Variants in DOCK10 observed in about 807,000 individuals in gnomAD.
The protein encoded by DOCK10 is dedicator of cytokinesis 10.
Under a neutral mutation model 280.1 loss-of-function variants are expected in DOCK10, and 145 were observed. That is an observed-to-expected ratio of 0.52 (90% confidence interval 0.45 to 0.59). The LOEUF is 0.59. Ranked by LOEUF, DOCK10 falls within the 20% of genes least tolerant of loss-of-function variation. The pLI is 0.00. For missense variants in DOCK10, 2,368 were observed against 2,651.7 expected (o/e 0.89, Z 2.35); for synonymous variants, 915 against 942.2 (o/e 0.97, Z 0.53).
chr2:225,038,063 G>C (rs1017912207), intron 1 of DOCK10, among the ~76,000 whole-genome samples: 3 of 152,028 alleles, frequency 2.0e-5, no homozygotes, highest in African/African-American at 4.8e-5. Context: ...TGTCATAAAG[G>C]ACTCTGTCCA....
chr2:224,915,334 C>T (rs1251898336), intron 3 of DOCK10, among the ~76,000 whole-genome samples: 3 of 152,210 alleles, frequency 2.0e-5, no homozygotes, highest in Non-Finnish European at 4.4e-5. Context: ...ATATCACACA[C>T]TATTTTTATC....
rs1200927344 is a variant in DOCK10, at chr2:224,886,885, A to G, written c.417-354T>C. ...TTCTCATGCTGCATGCAGCACCCCC[A>G]ACACCCCCCCAAGTAGTACCTGGGA... On this transcript the variant is annotated intron_variant, in intron 4 of 55. Coordinates refer to ENST00000258390, the MANE Select transcript of DOCK10 (RefSeq NM_014689.3). Among the ~76,000 whole-genome samples, 2 of 116,114 alleles carry G rather than the reference A, an allele frequency of 1.7e-5. 1 individual carries two copies. Among genetic ancestry groups the G allele is most frequent in the African/African-American group, 9.5e-5 (2 of 20,970 alleles). The allele number at this position is 116,114 out of a possible 152,430, so 76.2% of individuals were successfully genotyped here.
chr2:224,840,180 T>C, intron 23 of DOCK10, 108 bp from the exon 24 acceptor site: 2 of 576,812 alleles, frequency 3.5e-6, no homozygotes, highest in Non-Finnish European at 6.1e-6. Flanking sequence ...GGAGAAAAAC[T>C]TCGTGACATT....
At chr2:225,036,871 T>C (rs1690273704) in intron 1 of DOCK10, among the ~76,000 whole-genome samples, 1 of 151,982 alleles carries the variant, frequency 6.6e-6, no homozygotes, top group Admixed American at 6.6e-5. Context: ...CCCAATGACT[T>C]ACATCTGATT....
At position 224,789,069 on chromosome 2, in the gene DOCK10, T is replaced by C. The variant is rs529535621; in HGVS notation, c.5413A>G (p.Asn1805Asp). 1.9e-6 allele frequency: 3 copies of C among 1,610,844 alleles called. No individual in the cohort carries two copies. Among genetic ancestry groups the C allele is most frequent in the African/African-American group, 2.7e-5 (2 of 75,020 alleles). ...TGAGATAATTTTGGTCTAACCTCAT[T>C]GTATGGTGTATCTTGCATTCCAGAA... ...EDSGMQDTPYNENILVEQLYM... is the reference protein window; with the variant it reads ...EDSGMQDTPYDENILVEQLYM... The change falls in exon 48 of 56, where the codon AAT becomes GAT. Residue 1805 changes from asparagine to aspartate, a missense_variant. Transcript: ENST00000258390.
intron 3 of DOCK10, 42 bp from the exon 4 acceptor site, chr2:224,896,419 C>T (rs745896576): frequency 1.5e-6 from 2 of 1,322,808 alleles, no homozygotes; most frequent in Non-Finnish European, 2.1e-6. Context: ...TAAAAATTAT[C>T]ATTAAAAGGC....
At chr2:224,986,437 G>A (rs1316548507) in intron 1 of DOCK10, among the ~76,000 whole-genome samples, 2 of 152,116 alleles carry the variant, frequency 1.3e-5, no homozygotes, top group African/African-American at 4.8e-5. Context: ...AAGGCTAAGA[G>A]TTTAAGGGTA....
At chr2:224,881,920 C>A (rs1698998394) in intron 7 of DOCK10, among the ~76,000 whole-genome samples, 1 of 152,312 alleles carries the variant, frequency 6.6e-6, no homozygotes, top group East Asian at 1.9e-4. Flanking sequence ...TCACACCTGG[C>A]CTCTCTTCAT....
chr2:224,884,668 T>C (rs1446168108), intron 7 of DOCK10, among the ~76,000 whole-genome samples: 3 of 152,188 alleles, frequency 2.0e-5, no homozygotes, highest in African/African-American at 7.2e-5. Context: ...GAGAACATTA[T>C]TTGTTAAAAG....
At position 224,770,905 on chromosome 2, in the gene DOCK10, A is replaced by G. The variant is rs184998160; in HGVS notation, c.6205-260T>C. On this transcript the variant is annotated intron_variant, in intron 53 of 55. Coordinates refer to ENST00000258390, the MANE Select transcript of DOCK10 (RefSeq NM_014689.3). This position sits in a 1 kb window ranked among gnomAD's most constrained non-coding sequence, Gnocchi z 4.5. The stretch of plus-strand genomic sequence containing the variant: ...CCTTCACATTTTTTTTTTTTGTCAT[A>G]TCTGTACGTTGCTTGAACTACTATT... Among the ~76,000 whole-genome samples the G allele has an allele frequency of 5.9e-4, 89 of 150,356 alleles. No homozygotes were observed. The highest frequency in any genetic ancestry group is 2.1e-3 in the African/African-American group (85 of 40,844).
At chr2:224,920,585 G>A (rs13419641) in intron 2 of DOCK10, among the ~76,000 whole-genome samples, 34,996 of 134,496 alleles carry the variant, frequency 0.26, 4,523 homozygotes, top group Non-Finnish European at 0.32. Flanking sequence ...ATAATTTACA[G>A]ATATATGGTG....
chr2:224,992,556 A>C (rs1019879404), intron 1 of DOCK10, among the ~76,000 whole-genome samples: 3 of 152,266 alleles, frequency 2.0e-5, no homozygotes, highest in African/African-American at 7.2e-5. Flanking sequence ...CAATATTCAG[A>C]AGATTAACTT....
intron 1 of DOCK10, among the ~76,000 whole-genome samples, chr2:224,984,000 C>T (rs1315467015): frequency 2.6e-5 from 4 of 152,118 alleles, no homozygotes; most frequent in Non-Finnish European, 5.9e-5. Context: ...CTAATGGTGT[C>T]CACTTGAGAC....
At chr2:224,804,252 T>C (rs987563092) in intron 38 of DOCK10, 39 bp from the exon 39 acceptor site, 10 of 1,257,680 alleles carry the variant, frequency 8.0e-6, no homozygotes, top group Non-Finnish European at 1.1e-5. Flanking sequence ...AGCTCAGTGT[T>C]TGTAATTTAC....
intron 1 of DOCK10, among the ~76,000 whole-genome samples, chr2:224,950,708 T>C (rs1035088703): frequency 3.3e-5 from 5 of 152,236 alleles, no homozygotes; most frequent in Non-Finnish European, 5.9e-5. Context: ...CCAGCTGTTA[T>C]ATGTGTGCCT....
At chr2:224,960,008 AT>A (rs1311729578) in intron 1 of DOCK10, among the ~76,000 whole-genome samples, 1 of 152,140 alleles carries the variant, frequency 6.6e-6, no homozygotes, top group Non-Finnish European at 1.5e-5. Flanking sequence ...CACCTCCTCT[AT>A]CCCCTCACCT....
At chr2:225,028,528 G>A (rs529010770) in intron 1 of DOCK10, among the ~76,000 whole-genome samples, 12 of 152,176 alleles carry the variant, frequency 7.9e-5, no homozygotes, top group South Asian at 2.1e-4. Flanking sequence ...CCTACACTAC[G>A]GTAGGATAAT....
intron 50 of DOCK10, among the ~76,000 whole-genome samples, chr2:224,785,868 T>C (rs1691699358): frequency 6.6e-6 from 1 of 152,208 alleles, no homozygotes; most frequent in Admixed American, 6.5e-5. Context: ...AGAATGAACA[T>C]GCTGGAGTTG....
At chr2:225,029,157 C>T (rs1371063699) in intron 1 of DOCK10, among the ~76,000 whole-genome samples, 1 of 152,120 alleles carries the variant, frequency 6.6e-6, no homozygotes, top group Non-Finnish European at 1.5e-5. Context: ...CAGTTTCCTT[C>T]TATTTTATTT....
Sources: gnomAD v4.1 joint callset for allele counts (sites outside exome capture counted in the v4.1 genomes callset) on GRCh38, gnomAD v4.1.1 for gene constraint, Gnocchi (gnomAD v3.1) non-coding constraint, MANE v1.5 for transcripts, NCBI Gene and HGNC (gene_info 2026-07-23, HGNC 2026-07-21) for gene names.